Variants in LRRC37A2 observed in about 807,000 individuals in gnomAD.
LRRC37A2 encodes the protein leucine rich repeat containing 37 member A2, also known as leucine-rich repeat-containing protein 37A2.
In LRRC37A2, 9 loss-of-function variants were observed where a neutral mutation model predicts 68.8. The ratio of observed to expected loss-of-function variants is 0.13; its 90% confidence interval spans 0.08 to 0.23. The LOEUF is 0.23. Ranked by LOEUF, LRRC37A2 falls within the 10% of genes least tolerant of loss-of-function variation. The pLI, the probability that LRRC37A2 is intolerant of heterozygous loss-of-function variation, is 1.00. For missense variants in LRRC37A2, 168 were observed against 950.4 expected, an observed-to-expected ratio of 0.18 and a Z score of 10.82; for synonymous variants, 63 against 367.6, an observed-to-expected ratio of 0.17 and a Z score of 9.48.
At chr17:46,496,551 C>T in the LRRC37A2 span, among the ~76,000 whole-genome samples, 15 of 143,920 alleles carry the variant, frequency 1.0e-4, no homozygotes, top group Non-Finnish European at 1.5e-4. Context: ...TGCAGTGAGC[C>T]GAGATCACGC....
chr17:46,908,911 C>T, the LRRC37A2 span, among the ~76,000 whole-genome samples: 1 of 152,212 alleles, frequency 6.6e-6, no homozygotes, highest in African/African-American at 2.4e-5. Context: ...ACTGGGGACC[C>T]ACTTTGTACA....
chr17:46,575,355 T>C, the LRRC37A2 span, among the ~76,000 whole-genome samples: 3 of 151,728 alleles, frequency 2.0e-5, no homozygotes, highest in African/African-American at 7.3e-5. Flanking sequence ...TTGGACATCA[T>C]CTCAAGCAGT....
the LRRC37A2 span, among the ~76,000 whole-genome samples, chr17:46,981,604 G>C: frequency 2.0e-5 from 3 of 152,160 alleles, no homozygotes; most frequent in Admixed American, 6.5e-5. Flanking sequence ...TCCTGTTATA[G>C]CAGCATAAAG....
the LRRC37A2 span, chr17:47,017,286 C>T: frequency 1.5e-5 from 24 of 1,609,824 alleles, no homozygotes; most frequent in African/African-American, 3.2e-4. Context: ...ACTATTGTGG[C>T]TACTAGTCAA....
At chr17:46,403,467 C>T in the LRRC37A2 span, among the ~76,000 whole-genome samples, 1 of 55,108 alleles carries the variant, frequency 1.8e-5, no homozygotes, top group African/African-American at 7.4e-5. Flanking sequence ...GAGAATGCGC[C>T]ACTGCATTCA....
the LRRC37A2 span, among the ~76,000 whole-genome samples, chr17:46,913,575 G>A: frequency 6.6e-6 from 1 of 152,198 alleles, no homozygotes; most frequent in Admixed American, 6.5e-5. Flanking sequence ...ACAAAGGCCA[G>A]AAGACACAAA....
chr17:46,473,928 A>T, the LRRC37A2 span, among the ~76,000 whole-genome samples: 4 of 107,906 alleles, frequency 3.7e-5, no homozygotes, highest in South Asian at 1.7e-3. Context: ...TTATATCCTT[A>T]TCAGAGATTT....
the LRRC37A2 span, chr17:46,935,092 C>G: frequency 6.2e-7 from 1 of 1,612,846 alleles, no homozygotes; most frequent in Non-Finnish European, 8.5e-7. Flanking sequence ...CCAGAAAGTT[C>G]ACAACGGCAT....
At chr17:46,852,900 G>C in the LRRC37A2 span, among the ~76,000 whole-genome samples, 1 of 152,160 alleles carries the variant, frequency 6.6e-6, no homozygotes, top group African/African-American at 2.4e-5. Flanking sequence ...TCCAGGTCAT[G>C]ACCCCTGGTG....
At chr17:46,499,335 A>AGGGGG in the LRRC37A2 span, among the ~76,000 whole-genome samples, 2 of 89,100 alleles carry the variant, frequency 2.2e-5, no homozygotes, top group Non-Finnish European at 4.8e-5. Context: ...AAAAAAAAAA[A>AGGGGG]GGTGGGGGGA....
At chr17:46,601,402 A>AC in the LRRC37A2 span, among the ~76,000 whole-genome samples, 2 of 52,162 alleles carry the variant, frequency 3.8e-5, no homozygotes, top group Non-Finnish European at 6.9e-5. Context: ...AGTTATAATT[A>AC]CCCTTTTTTT....
chr17:46,739,370 C>CAAAAA, the LRRC37A2 span, among the ~76,000 whole-genome samples: 72 of 53,166 alleles, frequency 1.4e-3, 8 homozygotes, highest in Admixed American at 3.5e-3. Flanking sequence ...GACTCTGTCT[C>CAAAAA]AAAAAAAAAA....
the LRRC37A2 span, among the ~76,000 whole-genome samples, chr17:46,903,044 G>A: frequency 5.0e-4 from 76 of 152,350 alleles, 1 homozygote; most frequent in African/African-American, 1.8e-3. Context: ...CACTTTGGGA[G>A]GCCAAGGCAG....
chr17:46,851,620 G>A, the LRRC37A2 span: 3 of 1,248,758 alleles, frequency 2.4e-6, no homozygotes, highest in African/African-American at 4.7e-5. This position sits in a 1 kb window ranked among gnomAD's most constrained non-coding sequence, Gnocchi z 4.3. Context: ...ATGCTAGAGG[G>A]CGCAGCGCCG....
At chr17:47,024,544 T>A in the LRRC37A2 span, 1 of 709,102 alleles carries the variant, frequency 1.4e-6, no homozygotes, top group Non-Finnish European at 2.6e-6. Flanking sequence ...AAGAAAAGGT[T>A]TGAATGAAAG....
At chr17:46,687,458 A>G in the LRRC37A2 span, among the ~76,000 whole-genome samples, 1 of 149,862 alleles carries the variant, frequency 6.7e-6, no homozygotes, top group Non-Finnish European at 1.5e-5. Context: ...ATCATACTAC[A>G]GGGTAATTTC....
the LRRC37A2 span, chr17:47,018,255 C>G: frequency 6.2e-7 from 1 of 1,611,558 alleles, no homozygotes; most frequent in Non-Finnish European, 8.5e-7. Context: ...GGAGCATGAA[C>G]TTTCCATCAG....
At chr17:47,001,852 GCTGGGACTACAGGCAC>G in the LRRC37A2 span, among the ~76,000 whole-genome samples, 2 of 151,066 alleles carry the variant, frequency 1.3e-5, no homozygotes, top group Non-Finnish European at 2.9e-5. Context: ...CTCCCGAGTA[GCTGGGACTACAGGCAC>G]CTGCCACCAC....
chr17:46,966,934 C>G, the LRRC37A2 span: 1 of 383,574 alleles, frequency 2.6e-6, no homozygotes, highest in African/African-American at 2.1e-5. Context: ...TTGAATCTGG[C>G]TAGAGAAAAT....
Sources: gnomAD v4.1 joint callset for allele counts (sites outside exome capture counted in the v4.1 genomes callset) on GRCh38, gnomAD v4.1.1 for gene constraint, Gnocchi (gnomAD v3.1) non-coding constraint, MANE v1.5 for transcripts, NCBI Gene and HGNC (gene_info 2026-07-23, HGNC 2026-07-21) for gene names.